TASP1: variants seen among roughly 807,000 people sequenced by gnomAD.
TASP1 encodes the protein taspase 1, also known as threonine aspartase 1.
TASP1 carries 16 observed loss-of-function variants against 56.6 expected under a neutral mutation model. The ratio of observed to expected loss-of-function variants is 0.28; its 90% CI spans 0.19 to 0.43. The LOEUF (loss-of-function observed/expected upper bound fraction) is 0.43, where lower values mean the gene tolerates loss of function less well. Among genes scored for constraint, TASP1 ranks in the 20% least tolerant of loss-of-function variants. The probability of loss-of-function intolerance (pLI) is 1.00; values close to 1 mark genes in which losing one functional copy is unlikely to be tolerated. For missense variants in TASP1, 393 were observed against 511.6 expected (o/e 0.77, Z 2.24); for synonymous variants, 179 against 184.2 (o/e 0.97, Z 0.23).
intron 11 of TASP1, among the ~76,000 whole-genome samples, chr20:13,450,535 CAGG>C (rs1038931185): frequency 2.6e-5 from 4 of 152,104 alleles, no homozygotes; most frequent in African/African-American, 4.8e-5. Context: ...GCTTCTTCAC[CAGG>C]AGAAGATTTC....
At chr20:13,387,875 A>C (rs1321008821), downstream of TASP1, among the ~76,000 whole-genome samples, 3 of 152,262 alleles carry the variant, frequency 2.0e-5, no homozygotes, top group Non-Finnish European at 4.4e-5. Context: ...AGACATACTG[A>C]AGGCAGAGAA....
chr20:13,376,255 G>GGT, the TASP1 span, among the ~76,000 whole-genome samples: 1 of 152,196 alleles, frequency 6.6e-6, no homozygotes, highest in African/African-American at 2.4e-5. Flanking sequence ...TTTTTTATAA[G>GGT]GTGTAAGGAA....
the TASP1 span, among the ~76,000 whole-genome samples, chr20:13,319,577 G>A: frequency 1.5e-4 from 23 of 152,214 alleles, no homozygotes; most frequent in Non-Finnish European, 2.9e-4. Context: ...ATGGCAGCTC[G>A]TAGAAGTATA....
intron 10 of TASP1, among the ~76,000 whole-genome samples, chr20:13,521,954 C>T (rs907178188): frequency 2.6e-5 from 4 of 152,112 alleles, no homozygotes; most frequent in African/African-American, 7.2e-5. Flanking sequence ...TGCAGAAGAA[C>T]TCATCAAGGT....
intron 11 of TASP1, among the ~76,000 whole-genome samples, chr20:13,440,127 G>A (rs770032417): frequency 1.3e-5 from 2 of 152,174 alleles, no homozygotes; most frequent in African/African-American, 2.4e-5. Context: ...AAAAGATGAT[G>A]AGGCACTATC....
At chr20:13,227,513 CTTT>C in the TASP1 span, among the ~76,000 whole-genome samples, 1 of 115,456 alleles carries the variant, frequency 8.7e-6, no homozygotes, top group Non-Finnish European at 1.8e-5. Flanking sequence ...CAACTTTTTT[CTTT>C]TTTTTTTTTT....
chr20:13,367,882 GC>G, the TASP1 span, among the ~76,000 whole-genome samples: 2 of 152,050 alleles, frequency 1.3e-5, no homozygotes, highest in Admixed American at 1.3e-4. Context: ...TAAAAACAAG[GC>G]TGGGCCAGGA....
At chr20:13,620,812 T>G (rs1266312697) in intron 4 of TASP1, among the ~76,000 whole-genome samples, 1 of 152,238 alleles carries the variant, frequency 6.6e-6, no homozygotes, top group African/African-American at 2.4e-5. Flanking sequence ...CTGCTACTTA[T>G]ATTTCTCTAA....
chr20:13,197,856 GT>G, the TASP1 span, among the ~76,000 whole-genome samples: 2 of 152,088 alleles, frequency 1.3e-5, no homozygotes, highest in Admixed American at 1.3e-4. Flanking sequence ...TTAAATAATG[GT>G]TTAACCTTTA....
chr20:13,118,675 GCCACACCAGGCCCAAA>G, the TASP1 span, among the ~76,000 whole-genome samples: 1 of 152,156 alleles, frequency 6.6e-6, no homozygotes, highest in East Asian at 1.9e-4. Flanking sequence ...AGCCTAGGAT[GCCACACCAGGCCCAAA>G]ACCAGTGCAT....
intron 6 of TASP1, 99 bp downstream of exon 6, chr20:13,580,798 C>A (rs146615455): frequency 9.4e-6 from 11 of 1,165,880 alleles, no homozygotes; most frequent in Non-Finnish European, 5.0e-6. Context: ...TTGTCTTCTT[C>A]GCAAAGGCAT....
At chr20:13,162,085 T>C in the TASP1 span, among the ~76,000 whole-genome samples, 1 of 152,196 alleles carries the variant, frequency 6.6e-6, no homozygotes, top group South Asian at 2.1e-4. Flanking sequence ...TGAAATGAGT[T>C]GGTGTTAAGA....
At chr20:13,290,555 A>G in the TASP1 span, among the ~76,000 whole-genome samples, 17 of 152,292 alleles carry the variant, frequency 1.1e-4, no homozygotes, top group African/African-American at 4.1e-4. Flanking sequence ...AGGCTGAGGC[A>G]GGAGAATGGC....
intron 13 of TASP1, among the ~76,000 whole-genome samples, chr20:13,416,640 T>C (rs2042264775): frequency 6.6e-6 from 1 of 152,222 alleles, no homozygotes; most frequent in African/African-American, 2.4e-5. Flanking sequence ...AAATAAATCA[T>C]TTCTTTTAAA....
At chr20:13,637,976 T>TAAAA (rs1414328036) in intron 1 of TASP1, among the ~76,000 whole-genome samples, 3 of 152,208 alleles carry the variant, frequency 2.0e-5, no homozygotes, top group Non-Finnish European at 4.4e-5. Flanking sequence ...TGCCTCTTAG[T>TAAAA]TATAACCGTA....
the TASP1 span, among the ~76,000 whole-genome samples, chr20:13,252,144 G>A: frequency 1.3e-5 from 2 of 152,272 alleles, no homozygotes; most frequent in African/African-American, 4.8e-5. Flanking sequence ...ACAAGAGTGT[G>A]AATGGATCCC....
At chr20:13,155,205 A>G in the TASP1 span, among the ~76,000 whole-genome samples, 1 of 152,134 alleles carries the variant, frequency 6.6e-6, no homozygotes. Flanking sequence ...AAGGAAGTTA[A>G]CTAAGCTCCT....
At chr20:13,127,770 T>C in the TASP1 span, among the ~76,000 whole-genome samples, 1 of 152,208 alleles carries the variant, frequency 6.6e-6, no homozygotes, top group Non-Finnish European at 1.5e-5. Context: ...GGTAAAGGCC[T>C]GCAGGAGGAT....
chr20:13,464,558 G>C (rs997876108), intron 11 of TASP1, among the ~76,000 whole-genome samples: 6 of 152,102 alleles, frequency 3.9e-5, no homozygotes, highest in African/African-American at 1.2e-4. Context: ...CATGCAATAA[G>C]ATATTTAGAA....
Sources: allele counts gnomAD v4.1 joint callset (sites outside exome capture counted in the v4.1 genomes callset), GRCh38; gene constraint gnomAD v4.1.1; transcripts MANE v1.5; gene names NCBI Gene and HGNC (gene_info 2026-07-23, HGNC 2026-07-21).